CRPPA: variants seen among roughly 807,000 people sequenced by gnomAD.
The protein encoded by CRPPA is CDP-L-ribitol pyrophosphorylase A.
CRPPA carries 43 observed loss-of-function variants against 52.0 expected under a neutral mutation model. The ratio of observed to expected loss-of-function variants is 0.83; its 90% CI spans 0.65 to 1.07. The LOEUF is 1.07. CRPPA is among the 50% of genes least tolerant of loss of function. CRPPA has a pLI of 0.00. For synonymous variants in CRPPA, 250 were observed against 203.5 expected, an observed-to-expected ratio of 1.23 and a Z score of -1.94; for missense variants, 629 against 551.7, an observed-to-expected ratio of 1.14 and a Z score of -1.40.
intron 9 of CRPPA, among the ~76,000 whole-genome samples, chr7:16,156,631 G>A (rs1292451343): frequency 6.6e-6 from 1 of 152,076 alleles, no homozygotes; most frequent in Non-Finnish European, 1.5e-5. Flanking sequence ...AAAATAATAG[G>A]TCTACATCTA....
intron 8 of CRPPA, among the ~76,000 whole-genome samples, chr7:16,219,545 G>A (rs1782439283): frequency 9.0e-6 from 1 of 111,634 alleles, no homozygotes; most frequent in African/African-American, 3.2e-5. Context: ...TAGACCGCTA[G>A]CAAGACTAAT....
intron 9 of CRPPA, among the ~76,000 whole-genome samples, chr7:16,110,923 C>A (rs80344699): frequency 6.6e-6 from 1 of 151,698 alleles, no homozygotes; most frequent in Non-Finnish European, 1.5e-5. Flanking sequence ...GAAACAAAAG[C>A]GAAAGTAGAC....
intron 9 of CRPPA, among the ~76,000 whole-genome samples, chr7:16,099,952 T>G (rs2128363516): frequency 6.6e-6 from 1 of 152,302 alleles, no homozygotes; most frequent in African/African-American, 2.4e-5. Context: ...CACCATCCTA[T>G]GCCTGGACTC....
chr7:16,286,037 AAATAT>A (rs1562608304), intron 5 of CRPPA, among the ~76,000 whole-genome samples: 375 of 15,044 alleles, frequency 0.025, 20 homozygotes, highest in Non-Finnish European at 0.03. Flanking sequence ...AAAAAAAAAA[AAATAT>A]AAATATATAT....
chr7:16,283,881 A>G (rs548476348), intron 5 of CRPPA, among the ~76,000 whole-genome samples: 1 of 152,080 alleles, frequency 6.6e-6, no homozygotes, highest in Non-Finnish European at 1.5e-5. Flanking sequence ...ATAACTACAG[A>G]TATAGGATAC....
chr7:16,419,320 G>C (rs1404378731), intron 1 of CRPPA, among the ~76,000 whole-genome samples: 1 of 152,110 alleles, frequency 6.6e-6, no homozygotes, highest in Admixed American at 6.5e-5. Flanking sequence ...TGAAAGATCA[G>C]TCCTAACTAA....
chr7:16,140,372 C>T (rs540603905), intron 9 of CRPPA, among the ~76,000 whole-genome samples: 2 of 152,092 alleles, frequency 1.3e-5, no homozygotes, highest in East Asian at 3.9e-4. Context: ...ACCATGTTGC[C>T]CAGGCTGGTC....
chr7:16,320,924 A>T (rs1180879006), intron 3 of CRPPA, among the ~76,000 whole-genome samples: 1 of 152,016 alleles, frequency 6.6e-6, no homozygotes, highest in Non-Finnish European at 1.5e-5. Context: ...TACAACCATC[A>T]CTCTTCCAGA....
rs1313695572 is a variant in CRPPA, at chr7:16,335,296, T to G, written c.685-26669A>C. On this transcript the variant is annotated intron_variant, in intron 3 of 9. Coordinates refer to ENST00000407010, the MANE Select transcript of CRPPA (RefSeq NM_001101426.4). ...TGACCGTGGGAGGTCAAGGCTGCAA[T>G]GAGCTGTATTTGTGCCACTGCATTC... 2.6e-5 allele frequency among the ~76,000 whole-genome samples: 4 copies of G among 151,744 alleles called. No individual in the cohort carries two copies. The East Asian group carries it at 7.8e-4, about 30-fold the overall frequency.
chr7:16,392,980 A>G (rs2128315147), intron 2 of CRPPA, among the ~76,000 whole-genome samples: 1 of 152,280 alleles, frequency 6.6e-6, no homozygotes, highest in East Asian at 1.9e-4. Context: ...CTATGTATAA[A>G]GAAACAATCT....
At chr7:16,332,958 T>A (rs1351809703) in intron 3 of CRPPA, among the ~76,000 whole-genome samples, 1 of 151,918 alleles carries the variant, frequency 6.6e-6, no homozygotes, top group African/African-American at 2.4e-5. Flanking sequence ...GCTAACATTA[T>A]CAAAAGACGG....
At chr7:16,099,792 C>T (rs769415157) in intron 9 of CRPPA, among the ~76,000 whole-genome samples, 2 of 152,144 alleles carry the variant, frequency 1.3e-5, no homozygotes, top group Non-Finnish European at 2.9e-5. Flanking sequence ...AAGTAAATTC[C>T]ACAACTTAAT....
chr7:16,220,864 A>C (rs1019640609), intron 8 of CRPPA, among the ~76,000 whole-genome samples: 6 of 152,226 alleles, frequency 3.9e-5, no homozygotes, highest in African/African-American at 1.4e-4. Flanking sequence ...AAACGGCCAT[A>C]CTGCCCAAGG....
chr7:16,150,117 T>C (rs1489169461), intron 9 of CRPPA, among the ~76,000 whole-genome samples: 2 of 152,190 alleles, frequency 1.3e-5, no homozygotes, highest in Non-Finnish European at 2.9e-5. Context: ...ATAGTCATAG[T>C]ATTTTTGTAA....
chr7:16,228,159 A>G (rs1367252893), intron 8 of CRPPA, among the ~76,000 whole-genome samples: 1 of 151,894 alleles, frequency 6.6e-6, no homozygotes, highest in Admixed American at 6.6e-5. Flanking sequence ...TTTTGAAGTC[A>G]GGTAATGTGA....
intron 3 of CRPPA, among the ~76,000 whole-genome samples, chr7:16,343,446 T>C (rs959997396): frequency 4.6e-5 from 7 of 152,092 alleles, no homozygotes; most frequent in African/African-American, 1.7e-4. Flanking sequence ...AAAATAAGGT[T>C]GGATTTGCTC....
intron 3 of CRPPA, among the ~76,000 whole-genome samples, chr7:16,349,419 G>A (rs530722692): frequency 2.6e-5 from 4 of 152,202 alleles, no homozygotes; most frequent in Non-Finnish European, 5.9e-5. Flanking sequence ...AGAAATATAC[G>A]TTCCAAATAA....
intron 4 of CRPPA, among the ~76,000 whole-genome samples, chr7:16,302,030 T>G (rs1340659454): frequency 6.6e-6 from 1 of 152,116 alleles, no homozygotes; most frequent in Non-Finnish European, 1.5e-5. Context: ...AATGATGATC[T>G]TTCCTTAAAA....
intron 9 of CRPPA, among the ~76,000 whole-genome samples, chr7:16,149,036 T>G (rs549625246): frequency 1.3e-5 from 2 of 152,206 alleles, no homozygotes; most frequent in East Asian, 3.8e-4. Context: ...TGTATTTTCA[T>G]TGAATTTATT....
Sources: gnomAD v4.1 joint callset for allele counts (sites outside exome capture counted in the v4.1 genomes callset) on GRCh38, gnomAD v4.1.1 for gene constraint, MANE v1.5 for transcripts, NCBI Gene and HGNC (gene_info 2026-07-23, HGNC 2026-07-21) for gene names.